Variants in TRMT11 observed in about 807,000 individuals in gnomAD.
The protein encoded by TRMT11 is tRNA (guanine(10)-N(2))-methyltransferase TRMT11.
In TRMT11, 53 loss-of-function variants were observed where a neutral mutation model predicts 62.8. That is an observed-to-expected ratio of 0.84 (90% CI 0.68 to 1.06). The LOEUF (loss-of-function observed/expected upper bound fraction) is 1.06, where lower values mean the gene tolerates loss of function less well. TRMT11 is among the 50% of genes least tolerant of loss of function. The pLI, the probability that TRMT11 is intolerant of heterozygous loss-of-function variation, is 0.00. For synonymous variants in TRMT11, 188 were observed against 190.3 expected (o/e 0.99, Z 0.10); for missense variants, 556 against 553.4 (o/e 1.00, Z -0.05).
In TRMT11 at chr6:126,038,807, G is replaced by A; in HGVS notation, c.1363G>A (p.Ala455Thr). 6.2e-7 allele frequency: 1 copy of A among 1,600,664 alleles called. No individual in the cohort carries two copies. Residue 455 changes from alanine to threonine, a missense_variant, in exon 13 of 13, where the codon GCC (alanine) becomes ACC (threonine). Coordinates refer to ENST00000334379, the MANE Select transcript of TRMT11 (RefSeq NM_001031712.3). ...TTTTAGTGGGGTAACAAAAAGAATTGCCAAGGAAGAAAAATCCACCCAGGA... is the reference window on the plus strand; with the variant it reads ...TTTTAGTGGGGTAACAAAAAGAATTACCAAGGAAGAAAAATCCACCCAGGA... ...KYFSGVTKRI[A>T]KEEKSTQE
chr6:126,264,073 A>G, the TRMT11 span, among the ~76,000 whole-genome samples: 24 of 152,156 alleles, frequency 1.6e-4, no homozygotes, highest in South Asian at 6.2e-4. Context: ...AGTGCATATT[A>G]CTGATCATTA....
chr6:126,053,594 C>T (rs1417617236), intron 17 of TRMT11, among the ~76,000 whole-genome samples: 2 of 152,132 alleles, frequency 1.3e-5, no homozygotes, highest in Non-Finnish European at 2.9e-5. Context: ...TCCTGCCTTA[C>T]CTGTTCCTTC....
chr6:126,134,937 G>A lies in TRMT11; in HGVS notation c.*1823+19082G>A, dbSNP rs939489492. ...ATTAAGAAGGACAATAAAAAATTTC[G>A]AGAATCAAATAAAGACAGAACACAA... On this transcript the variant is annotated intron_variant and NMD_transcript_variant, in intron 21 of 22. Coordinates refer to the TRMT11 transcript ENST00000648977. Among the ~76,000 whole-genome samples, 27 of 151,468 alleles carry A rather than the reference G, an allele frequency of 1.8e-4. 1 individual carries two copies. The highest frequency in any genetic ancestry group is 2.1e-4 in the Non-Finnish European group (14 of 67,666).
At chr6:126,049,331 A>G (rs1226061055) in intron 16 of TRMT11, among the ~76,000 whole-genome samples, 1 of 152,232 alleles carries the variant, frequency 6.6e-6, no homozygotes, top group Non-Finnish European at 1.5e-5. Flanking sequence ...AGTTGTAACA[A>G]TCGGTTGAAA....
At chr6:126,061,624 G>T (rs759971054) in intron 17 of TRMT11, among the ~76,000 whole-genome samples, 6 of 148,764 alleles carry the variant, frequency 4.0e-5, no homozygotes, top group Non-Finnish European at 7.4e-5. Flanking sequence ...GCTGTTATCT[G>T]CCCAGGTGCC....
rs760525013 is a variant in TRMT11, at chr6:126,038,759, C to T, written c.1315C>T (p.His439Tyr). 3 of 1,604,948 alleles carry T rather than the reference C, an allele frequency of 1.9e-6. No homozygotes were observed. In the South Asian group the frequency reaches 3.3e-5, roughly 18 times the overall value. ...LSDHFLPYQG[H>Y]NSFREKYFSG... is the part of the protein sequence containing the mutation. ...TGATCATTTTCTGCCATACCAAGGTCATAATTCCTTCCGTGAGAAATATTT... is the reference window on the plus strand; with the variant it reads ...TGATCATTTTCTGCCATACCAAGGTTATAATTCCTTCCGTGAGAAATATTT... Residue 439 changes from histidine to tyrosine, a missense_variant, in exon 13 of 13, where the codon CAT becomes TAT. Transcript: ENST00000334379.
intron 3 of TRMT11, among the ~76,000 whole-genome samples, chr6:126,200,624 G>T (rs1054326008): frequency 6.6e-6 from 1 of 152,036 alleles, no homozygotes; most frequent in Non-Finnish European, 1.5e-5. Context: ...GCACAATCTC[G>T]GCTCACTGCA....
At chr6:126,123,562 A>G (rs527477149) in intron 21 of TRMT11, among the ~76,000 whole-genome samples, 167 of 152,190 alleles carry the variant, frequency 1.1e-3, no homozygotes, top group Middle Eastern at 3.4e-3. Context: ...GTAAATAAAC[A>G]TAAGAACTTC....
intron 17 of TRMT11, among the ~76,000 whole-genome samples, chr6:126,074,814 G>A (rs1001874041): frequency 1.1e-4 from 16 of 151,786 alleles, no homozygotes; most frequent in Non-Finnish European, 2.4e-4. Context: ...GGAAAAAAAG[G>A]AAATAAAAAG....
intron 18 of TRMT11, among the ~76,000 whole-genome samples, chr6:126,113,631 T>G (rs1284451456): frequency 6.6e-6 from 1 of 152,080 alleles, no homozygotes; most frequent in Non-Finnish European, 1.5e-5. Context: ...TGGGATACAG[T>G]GATGATCTAT....
At chr6:125,998,408 A>AT in intron 5 of TRMT11, 93 bp downstream of exon 5, 1 of 1,246,068 alleles carries the variant, frequency 8.0e-7, no homozygotes, top group East Asian at 2.4e-5. Flanking sequence ...TGAAGTGTTT[A>AT]TTTTGTACCA....
At chr6:126,067,637 T>C (rs1776729854) in intron 17 of TRMT11, among the ~76,000 whole-genome samples, 1 of 152,240 alleles carries the variant, frequency 6.6e-6, no homozygotes, top group Non-Finnish European at 1.5e-5. Context: ...ATAATATTGC[T>C]GTAAACATTC....
intron 7 of TRMT11, among the ~76,000 whole-genome samples, chr6:126,004,290 G>A (rs1439745401): frequency 6.6e-6 from 1 of 151,936 alleles, no homozygotes; most frequent in Non-Finnish European, 1.5e-5. Flanking sequence ...AAGGAGACCT[G>A]CTTCTGTTTG....
the TRMT11 span, among the ~76,000 whole-genome samples, chr6:126,224,806 C>A: frequency 1.3e-5 from 2 of 152,176 alleles, no homozygotes; most frequent in Non-Finnish European, 2.9e-5. Flanking sequence ...GGCAGTGGGG[C>A]AACAAGTTCT....
At chr6:126,030,665 A>C (rs1279032420) in intron 12 of TRMT11, among the ~76,000 whole-genome samples, 3 of 152,180 alleles carry the variant, frequency 2.0e-5, no homozygotes, top group Non-Finnish European at 4.4e-5. Context: ...TGTCACTTTG[A>C]GACTATAAAT....
At chr6:126,066,011 T>C (rs1402500068) in intron 17 of TRMT11, among the ~76,000 whole-genome samples, 3 of 152,250 alleles carry the variant, frequency 2.0e-5, no homozygotes, top group Non-Finnish European at 4.4e-5. Context: ...CATAGCTATT[T>C]ACATTTGCAT....
Position 125,996,055 on chromosome 6 carries a change from T to C in TRMT11, c.212+15T>C, listed in dbSNP as rs983420598. On this transcript the variant is annotated intron_variant, in intron 3 of 12. Transcript: ENST00000334379. ...GTGTGTGCCAAGTAAGAGAAACTTA[T>C]GTTCTCCTGCATGAATATACTGGTA... The C allele has an allele frequency of 9.6e-6, 15 of 1,559,372 alleles. No individual in the cohort carries two copies. Among genetic ancestry groups the C allele is most frequent in the African/African-American group, 6.8e-5 (5 of 73,870 alleles).
chr6:126,119,731 G>A (rs1173693829), intron 21 of TRMT11, among the ~76,000 whole-genome samples: 3 of 152,048 alleles, frequency 2.0e-5, no homozygotes, highest in African/African-American at 7.2e-5. Context: ...CAAATTGAGT[G>A]TAAGTTGAGA....
intron 16 of TRMT11, among the ~76,000 whole-genome samples, chr6:126,052,732 A>C (rs1318106202): frequency 6.6e-6 from 1 of 152,224 alleles, no homozygotes; most frequent in African/African-American, 2.4e-5. Context: ...TTAAGTCTAC[A>C]GTCTTATCTT....
Sources: gnomAD v4.1 joint callset for allele counts (sites outside exome capture counted in the v4.1 genomes callset) on GRCh38, gnomAD v4.1.1 for gene constraint, MANE v1.5 for transcripts, NCBI Gene and HGNC (gene_info 2026-07-23, HGNC 2026-07-21) for gene names.